Variants in TLCD4 observed in about 807,000 individuals in gnomAD.
The protein encoded by TLCD4 is TLC domain-containing protein 4.
In TLCD4, 7 loss-of-function variants were observed where a neutral mutation model predicts 24.2. The ratio of observed to expected loss-of-function variants is 0.29; its 90% CI spans 0.16 to 0.54. The LOEUF is 0.54. TLCD4 is among the 20% of genes least tolerant of loss of function. The pLI is 0.95. For missense variants in TLCD4, 259 were observed against 313.9 expected (o/e 0.82, Z 1.32); for synonymous variants, 103 against 106.4 (o/e 0.97, Z 0.20).
chr1:95,132,016 C>G (rs1407592235), intron 1 of TLCD4, among the ~76,000 whole-genome samples: 1 of 152,216 alleles, frequency 6.6e-6, no homozygotes, highest in Non-Finnish European at 1.5e-5. Flanking sequence ...GGTTTTGTCT[C>G]TTTACACATA....
At chr1:95,096,514 A>G in the TLCD4 span, among the ~76,000 whole-genome samples, 1 of 152,196 alleles carries the variant, frequency 6.6e-6, no homozygotes, top group Non-Finnish European at 1.5e-5. Context: ...AAACCTATAG[A>G]TTGTGCCAAA....
chr1:95,127,413 T>C (rs986740743), intron 1 of TLCD4, among the ~76,000 whole-genome samples: 5 of 152,178 alleles, frequency 3.3e-5, no homozygotes, highest in African/African-American at 1.2e-4. Flanking sequence ...CCTGACTCCA[T>C]AGGTTCTGAC....
the TLCD4 span, among the ~76,000 whole-genome samples, chr1:95,101,676 G>A: frequency 6.6e-6 from 1 of 152,106 alleles, no homozygotes; most frequent in Admixed American, 6.6e-5. Flanking sequence ...TGTTGCAGGT[G>A]GTGTGAAAAA....
chr1:95,169,302 A>G (rs989158775), intron 5 of TLCD4, among the ~76,000 whole-genome samples: 5 of 152,234 alleles, frequency 3.3e-5, no homozygotes, highest in Admixed American at 1.3e-4. Context: ...ATTGGGCTAG[A>G]AGTACTAGAA....
At chr1:95,174,871 G>C (rs868777784) in intron 6 of TLCD4, among the ~76,000 whole-genome samples, 4 of 152,006 alleles carry the variant, frequency 2.6e-5, no homozygotes, top group Admixed American at 2.6e-4. Flanking sequence ...CACCTCCTAG[G>C]TTCAGGTGAT....
intron 1 of TLCD4, among the ~76,000 whole-genome samples, chr1:95,133,807 A>G (rs1034834914): frequency 2.6e-5 from 4 of 152,034 alleles, no homozygotes; most frequent in Non-Finnish European, 4.4e-5. Context: ...CATGTGTGAC[A>G]TTCTGCAACA....
chr1:95,150,192 C>CTTT lies in TLCD4; in HGVS notation c.246-6_246-4dup, dbSNP rs78715623. ...CAATCTATATACTTTAAAAAGGAACCTTTTTTTTTTTTCAGGGGTGGTCCA... is the reference window on the plus strand; with the variant it reads ...CAATCTATATACTTTAAAAAGGAACCTTTTTTTTTTTTTTTCAGGGGTGGTCCA... On this transcript the variant is annotated splice_polypyrimidine_tract_variant and intron_variant, in intron 3 of 6. Coordinates refer to ENST00000370203, the MANE Select transcript of TLCD4 (RefSeq NM_152487.3). The CTTT allele has an allele frequency of 1.1e-4, 138 of 1,314,158 alleles. No individual in the cohort carries two copies. In the African/African-American group the frequency reaches 1.7e-3, roughly 16 times the overall value. The allele number at this position is 1,314,158 out of a possible 1,614,324, so 81.4% of individuals were successfully genotyped here.
At position 95,191,552 on chromosome 1, in the gene TLCD4, G is replaced by A; in HGVS notation, c.476G>A (p.Trp159Ter). ...ELSSPFVNQR[W>*]FFEALKYPKF... The stretch of plus-strand genomic sequence containing the variant: ...TGTTTCTTTAATTCATTTTTCAGGT[G>A]GTTCTTTGAAGCTCTGAAGTATCCC... Residue 159 changes from tryptophan (W) to a stop codon, truncating the protein, a stop_gained and splice_region_variant, in exon 7 of 7, where the codon TGG becomes TAG. Transcript: ENST00000370203. LOFTEE classifies it low-confidence loss of function (END_TRUNC). 6.3e-7 allele frequency: 1 copy of A among 1,599,522 alleles called. No individual in the cohort carries two copies. Among genetic ancestry groups the A allele is most frequent in the Non-Finnish European group, 8.5e-7 (1 of 1,173,234 alleles).
intron 1 of TLCD4, among the ~76,000 whole-genome samples, chr1:95,136,228 A>C (rs1677037728): frequency 6.6e-6 from 1 of 152,090 alleles, no homozygotes; most frequent in Non-Finnish European, 1.5e-5. Flanking sequence ...TCTGAGTATA[A>C]ATGAGCCTGA....
At chr1:95,161,124 G>A (rs573322622) in intron 5 of TLCD4, among the ~76,000 whole-genome samples, 7 of 152,224 alleles carry the variant, frequency 4.6e-5, no homozygotes, top group African/African-American at 1.2e-4. Flanking sequence ...CTGTGGATCC[G>A]TCTGCTCCTG....
chr1:95,148,899 C>A (rs1677420456), intron 3 of TLCD4, 108 bp downstream of exon 3: 1 of 1,349,048 alleles, frequency 7.4e-7, no homozygotes, highest in Non-Finnish European at 9.9e-7. Flanking sequence ...ATCGTATATG[C>A]CTTATTAAAA....
At chr1:95,150,302 T>G (rs765485208) in intron 4 of TLCD4, 36 bp downstream of exon 4, 15 of 1,601,604 alleles carry the variant, frequency 9.4e-6, no homozygotes, top group Non-Finnish European at 1.2e-5. Context: ...TAATTCCTTG[T>G]AAACTACTCA....
the TLCD4 span, among the ~76,000 whole-genome samples, chr1:95,102,482 C>A: frequency 6.6e-6 from 1 of 151,806 alleles, no homozygotes; most frequent in Admixed American, 6.6e-5. Flanking sequence ...ATGATGACTT[C>A]GTGAACTCAG....
At chr1:95,185,822 A>T (rs1193201012) in intron 6 of TLCD4, among the ~76,000 whole-genome samples, 1 of 152,258 alleles carries the variant, frequency 6.6e-6, no homozygotes, top group Non-Finnish European at 1.5e-5. Flanking sequence ...TGGGCAAGTC[A>T]GAAGTCAAGC....
intron 1 of TLCD4, among the ~76,000 whole-genome samples, chr1:95,124,057 C>T (rs1275897981): frequency 6.6e-6 from 1 of 152,224 alleles, no homozygotes; most frequent in African/African-American, 2.4e-5. Context: ...TCCTTACCTA[C>T]AAGAGGTCAC....
the TLCD4 span, among the ~76,000 whole-genome samples, chr1:95,094,754 T>C: frequency 6.6e-6 from 1 of 152,308 alleles, no homozygotes; most frequent in Non-Finnish European, 1.5e-5. Flanking sequence ...CCCACAGAAT[T>C]GTTAACCCAT....
upstream of TLCD4, among the ~76,000 whole-genome samples, chr1:95,112,499 CAGACTACTA>C (rs1159928083): frequency 6.6e-6 from 1 of 152,106 alleles, no homozygotes; most frequent in Non-Finnish European, 1.5e-5. Flanking sequence ...TATGACATTT[CAGACTACTA>C]GGGAAAATGG....
chr1:95,163,603 C>A (rs1374793795), intron 5 of TLCD4: 1 of 152,174 alleles, frequency 6.6e-6, no homozygotes, highest in East Asian at 1.9e-4. Flanking sequence ...GAATTTTCAG[C>A]TTTTCTGCTC....
At chr1:95,106,535 T>C in the TLCD4 span, among the ~76,000 whole-genome samples, 1 of 152,112 alleles carries the variant, frequency 6.6e-6, no homozygotes, top group Non-Finnish European at 1.5e-5. Context: ...ATTCTGTCTC[T>C]ACCAAAAATT....
Sources: gnomAD v4.1 joint callset for allele counts (sites outside exome capture counted in the v4.1 genomes callset) on GRCh38, gnomAD v4.1.1 for gene constraint, MANE v1.5 for transcripts, NCBI Gene and HGNC (gene_info 2026-07-23, HGNC 2026-07-21) for gene names.